The following LDLRAD3 variants were observed in gnomAD, a reference collection of about 807,000 sequenced individuals.
The protein encoded by LDLRAD3 is low-density lipoprotein receptor class A domain-containing protein 3.
In LDLRAD3, 20 loss-of-function variants were observed where a neutral mutation model predicts 29.4. The observed-to-expected ratio is 0.68, with a 90% confidence interval of 0.48 to 0.99. The LOEUF (loss-of-function observed/expected upper bound fraction) is 0.99, where lower values mean the gene tolerates loss of function less well. LDLRAD3 is among the 50% of genes least tolerant of loss of function. The probability of loss-of-function intolerance (pLI) is 0.00; values close to 1 mark genes in which losing one functional copy is unlikely to be tolerated. For synonymous variants in LDLRAD3, 157 were observed against 192.7 expected (o/e 0.81, Z 1.53); for missense variants, 420 against 454.3 (o/e 0.92, Z 0.69).
At chr11:36,145,477 GC>G (rs1854176048) in intron 4 of LDLRAD3, among the ~76,000 whole-genome samples, 1 of 146,682 alleles carries the variant, frequency 6.8e-6, no homozygotes, top group African/African-American at 2.6e-5. Context: ...GAGCCTCTCT[GC>G]CCGGCCACCA....
intron 4 of LDLRAD3, among the ~76,000 whole-genome samples, chr11:36,169,550 G>A (rs1432596514): frequency 6.6e-6 from 1 of 152,162 alleles, no homozygotes; most frequent in Non-Finnish European, 1.5e-5. Flanking sequence ...TGTAATATTT[G>A]TGTTTCTGTG....
At chr11:36,018,983 A>C (rs1852057545) in intron 1 of LDLRAD3, among the ~76,000 whole-genome samples, 1 of 151,838 alleles carries the variant, frequency 6.6e-6, no homozygotes, top group South Asian at 2.1e-4. Context: ...ACACATTTAG[A>C]AAAAAAAATC....
chr11:36,104,257 T>C (rs576483378), intron 4 of LDLRAD3, among the ~76,000 whole-genome samples: 2 of 152,214 alleles, frequency 1.3e-5, no homozygotes, highest in East Asian at 3.9e-4. Context: ...ATGAGTGAGG[T>C]TGGAAGTGGG....
intron 3 of LDLRAD3, among the ~76,000 whole-genome samples, chr11:36,083,403 AAAG>A (rs1853145866): frequency 6.6e-6 from 1 of 152,196 alleles, no homozygotes; most frequent in Non-Finnish European, 1.5e-5. Context: ...AAACAAGTAT[AAAG>A]AAGAAAGCAA....
At chr11:36,052,311 C>T (rs1852540729) in intron 2 of LDLRAD3, among the ~76,000 whole-genome samples, 2 of 152,260 alleles carry the variant, frequency 1.3e-5, no homozygotes, top group African/African-American at 2.4e-5. Context: ...TTCTTTCATG[C>T]GTATTATCTC....
chr11:36,085,834 G>T (rs1337210821), intron 3 of LDLRAD3, among the ~76,000 whole-genome samples: 4 of 151,934 alleles, frequency 2.6e-5, no homozygotes, highest in African/African-American at 9.7e-5. Flanking sequence ...GCCCAGGTTG[G>T]TCTCAAACTC....
intron 4 of LDLRAD3, among the ~76,000 whole-genome samples, chr11:36,191,538 G>GTCTCTGTC (rs1554972472): frequency 3.6e-4 from 20 of 55,694 alleles, no homozygotes; most frequent in African/African-American, 1.5e-3. Context: ...GCAAGACCCT[G>GTCTCTGTC]TCTCTCTCTC....
chr11:36,054,137 C>A (rs1013259861), intron 2 of LDLRAD3, among the ~76,000 whole-genome samples: 1 of 152,202 alleles, frequency 6.6e-6, no homozygotes, highest in Non-Finnish European at 1.5e-5. Flanking sequence ...GTTTCCCCCC[C>A]ATTTTCTGCA....
At chr11:35,955,919 C>A (rs1851194785) in intron 1 of LDLRAD3, among the ~76,000 whole-genome samples, 1 of 152,176 alleles carries the variant, frequency 6.6e-6, no homozygotes, top group Non-Finnish European at 1.5e-5. Context: ...CCCCCAGGGG[C>A]CTTTCCTACA....
intron 4 of LDLRAD3, among the ~76,000 whole-genome samples, chr11:36,223,441 T>G (rs982396979): frequency 6.6e-6 from 1 of 152,174 alleles, no homozygotes; most frequent in Admixed American, 6.6e-5. Context: ...AGAAATACAT[T>G]TCACTGGCCA....
chr11:36,206,173 G>A (rs1172172017), intron 4 of LDLRAD3, among the ~76,000 whole-genome samples: 1 of 152,178 alleles, frequency 6.6e-6, no homozygotes, highest in Admixed American at 6.5e-5. Context: ...GAAATATCGA[G>A]TGGTGATAAT....
At chr11:36,054,953 ACACGGATGGATGGATG>A (rs1852592108) in intron 2 of LDLRAD3, among the ~76,000 whole-genome samples, 1 of 72,848 alleles carries the variant, frequency 1.4e-5, no homozygotes, top group Admixed American at 1.4e-4. Flanking sequence ...GATGATGGAT[ACACGGATGGATGGATG>A]CATGGATGGA....
chr11:36,026,214 C>T (rs1010106151), intron 1 of LDLRAD3, among the ~76,000 whole-genome samples: 8 of 152,286 alleles, frequency 5.3e-5, no homozygotes, highest in Admixed American at 3.3e-4. Flanking sequence ...CTCAGATTTA[C>T]CTATGTTGAG....
chr11:36,097,872 A>G (rs1272779032), intron 3 of LDLRAD3, among the ~76,000 whole-genome samples: 2 of 152,246 alleles, frequency 1.3e-5, no homozygotes, highest in Non-Finnish European at 2.9e-5. Flanking sequence ...CCAAAAGCAC[A>G]GCAGCCTAGG....
At chr11:35,994,543 G>T (rs550163807) in intron 1 of LDLRAD3, among the ~76,000 whole-genome samples, 1 of 152,246 alleles carries the variant, frequency 6.6e-6, no homozygotes, top group East Asian at 1.9e-4. Context: ...GATGGTTGCT[G>T]ACTGATCAGT....
chr11:36,154,998 C>T (rs1048705344), intron 4 of LDLRAD3, among the ~76,000 whole-genome samples: 2 of 152,128 alleles, frequency 1.3e-5, no homozygotes, highest in Non-Finnish European at 2.9e-5. Context: ...CCCTGTTTTC[C>T]ACCCTCTCAC....
rs531732562 is a variant in LDLRAD3, at chr11:35,959,322, C to T, written c.46+15178C>T. Among the ~76,000 whole-genome samples the T allele has an allele frequency of 4.5e-4, 68 of 152,326 alleles. 1 individual carries two copies. The highest frequency in any genetic ancestry group is 1.6e-3 in the African/African-American group (66 of 41,580). ...TAGAAAAGTGTCCTCCCATCTTCAA[C>T]TCCCAATCAGAGAATTAATCTCTGA... On this transcript the variant is annotated intron_variant, in intron 1 of 5. Transcript: ENST00000315571.
intron 2 of LDLRAD3, 122 bp from the exon 3 acceptor site, chr11:36,081,531 G>C (rs1853113710): frequency 7.6e-7 from 1 of 1,322,870 alleles, no homozygotes; most frequent in Non-Finnish European, 1.1e-6. Context: ...TGAGAAGAAA[G>C]CTTCAAGGAC....
intron 2 of LDLRAD3, among the ~76,000 whole-genome samples, chr11:36,072,415 C>T (rs1590243406): frequency 6.6e-6 from 1 of 152,316 alleles, no homozygotes; most frequent in South Asian, 2.1e-4. Context: ...TCCTCCAGGA[C>T]CTTGAGCAGC....
Sources: allele counts gnomAD v4.1 joint callset (sites outside exome capture counted in the v4.1 genomes callset), GRCh38; gene constraint gnomAD v4.1.1; transcripts MANE v1.5; gene names NCBI Gene and HGNC (gene_info 2026-07-23, HGNC 2026-07-21).